MDGA2: variants seen among roughly 807,000 people sequenced by gnomAD.
MDGA2 encodes MAM domain containing glycosylphosphatidylinositol anchor 2.
MDGA2 carries 40 observed loss-of-function variants against 117.8 expected under a neutral mutation model. The observed-to-expected ratio is 0.34, with a 90% CI of 0.26 to 0.44. MDGA2 has a LOEUF of 0.44. Among genes scored for constraint, MDGA2 ranks in the 20% least tolerant of loss-of-function variants. The pLI is 1.00. For missense variants in MDGA2, 1,123 were observed against 1,250.6 expected, an observed-to-expected ratio of 0.90 and a Z score of 1.54; for synonymous variants, 452 against 439.0, an observed-to-expected ratio of 1.03 and a Z score of -0.37.
chr14:47,225,303 A>T (rs947692796), intron 2 of MDGA2, among the ~76,000 whole-genome samples: 1 of 151,994 alleles, frequency 6.6e-6, no homozygotes, highest in Admixed American at 6.6e-5. Flanking sequence ...CAGCCATCCC[A>T]CTACTGGGTA....
intron 1 of MDGA2, among the ~76,000 whole-genome samples, chr14:47,306,796 T>G (rs1889459893): frequency 6.6e-6 from 1 of 151,352 alleles, no homozygotes; most frequent in Non-Finnish European, 1.5e-5. Context: ...ACTATTGATA[T>G]TTTGAAGACA....
At chr14:47,147,055 ATTTG>A (rs1380688262) in intron 3 of MDGA2, among the ~76,000 whole-genome samples, 17 of 152,118 alleles carry the variant, frequency 1.1e-4, no homozygotes, top group Admixed American at 1.1e-3. Context: ...CCAAAACAAG[ATTTG>A]TTTAAGACAA....
intron 3 of MDGA2, among the ~76,000 whole-genome samples, chr14:47,155,888 CTTTTTTTTTTTTTTTTTTTTTTTTTTTT>C (rs55827732): frequency 3.0e-4 from 12 of 40,194 alleles, no homozygotes; most frequent in South Asian, 2.0e-3. Flanking sequence ...TCTTCTTCTT[CTTTTTTTTTTTTTTTTTTTTTTTTTTTT>C]TTTTTTTTTT....
intron 2 of MDGA2, among the ~76,000 whole-genome samples, chr14:47,226,216 C>CATAAATAA (rs201861877): frequency 0.026 from 3,783 of 142,878 alleles, 87 homozygotes; most frequent in African/African-American, 0.058. Context: ...ACTGTCTCAC[C>CATAAATAA]ATAAATAAAT....
Position 47,675,310 on chromosome 14 carries a change from AG to A in MDGA2, c.-515del, listed in dbSNP as rs1898163016. Among the ~76,000 whole-genome samples, 1 of 131,252 alleles carries A rather than the reference AG, an allele frequency of 7.6e-6. No individual in the cohort carries two copies. The highest frequency in any genetic ancestry group is 1.6e-5 in the Non-Finnish European group (1 of 62,244). The allele number at this position is 131,252 out of a possible 152,430, so 86.1% of individuals were successfully genotyped here. The stretch of plus-strand genomic sequence containing the variant: ...TACAGACTCGCATCGCCGAACGGGG[AG>A]AGGAGGAAGAGGAGGAGGAGGAAGA... On this transcript the variant is annotated 5_prime_UTR_variant, in exon 1 of 17. Coordinates refer to ENST00000399232, the MANE Select transcript of MDGA2 (RefSeq NM_001113498.3).
At chr14:47,654,692 T>C (rs1897710227) in intron 1 of MDGA2, among the ~76,000 whole-genome samples, 1 of 151,962 alleles carries the variant, frequency 6.6e-6, no homozygotes, top group Admixed American at 6.6e-5. Flanking sequence ...TTAGAATATA[T>C]CCCCAACTCT....
At chr14:47,524,423 G>T (rs1894930086) in intron 1 of MDGA2, among the ~76,000 whole-genome samples, 1 of 152,164 alleles carries the variant, frequency 6.6e-6, no homozygotes, top group African/African-American at 2.4e-5. Flanking sequence ...GATCATTGAA[G>T]AAATGAAAGA....
intron 7 of MDGA2, among the ~76,000 whole-genome samples, chr14:47,060,102 G>C (rs1022460723): frequency 1.3e-5 from 2 of 152,006 alleles, no homozygotes; most frequent in African/African-American, 4.8e-5. Flanking sequence ...TTTTAAAAAT[G>C]TTTTTATTGT....
intron 1 of MDGA2, among the ~76,000 whole-genome samples, chr14:47,580,416 T>C (rs1347161854): frequency 6.6e-6 from 1 of 152,060 alleles, no homozygotes; most frequent in Non-Finnish European, 1.5e-5. Flanking sequence ...GCTCCATCTC[T>C]TAATCATTTT....
At chr14:47,262,740 A>G (rs1887838608) in intron 2 of MDGA2, among the ~76,000 whole-genome samples, 1 of 152,200 alleles carries the variant, frequency 6.6e-6, no homozygotes, top group Non-Finnish European at 1.5e-5. Flanking sequence ...TTGGCCTGAC[A>G]GGCCCTGGTA....
intron 1 of MDGA2, among the ~76,000 whole-genome samples, chr14:47,448,495 C>T (rs529909247): frequency 6.6e-6 from 1 of 152,130 alleles, no homozygotes; most frequent in Non-Finnish European, 1.5e-5. Flanking sequence ...TACCACTCCC[C>T]ACAACTTCTT....
At chr14:47,292,848 T>A (rs1011755698) in intron 2 of MDGA2, among the ~76,000 whole-genome samples, 9 of 152,230 alleles carry the variant, frequency 5.9e-5, no homozygotes, top group African/African-American at 2.2e-4. Flanking sequence ...GCTACCCTTG[T>A]ATTTCATCCC....
chr14:47,054,390 T>A (rs1889589015), intron 7 of MDGA2, among the ~76,000 whole-genome samples: 1 of 151,792 alleles, frequency 6.6e-6, no homozygotes. Flanking sequence ...TTGTTACATA[T>A]GTACATGTGC....
At chr14:47,424,413 C>CAAA (rs34875957) in intron 1 of MDGA2, among the ~76,000 whole-genome samples, 1 of 139,614 alleles carries the variant, frequency 7.2e-6, no homozygotes, top group Non-Finnish European at 1.6e-5. Context: ...GATTCTGTCT[C>CAAA]AAAAAAAAAA....
chr14:47,619,587 G>A (rs1897013228), intron 1 of MDGA2, among the ~76,000 whole-genome samples: 3 of 152,126 alleles, frequency 2.0e-5, no homozygotes, highest in Admixed American at 2.0e-4. Flanking sequence ...TGGCAAACAT[G>A]GAATCTCAGA....
At chr14:47,415,039 C>A (rs1892446729) in intron 1 of MDGA2, among the ~76,000 whole-genome samples, 1 of 151,996 alleles carries the variant, frequency 6.6e-6, no homozygotes, top group Non-Finnish European at 1.5e-5. Context: ...GTTTAGTTCA[C>A]CCATTTCCTT....
chr14:47,568,605 A>AGCTTATATTT (rs1330730476), intron 1 of MDGA2, among the ~76,000 whole-genome samples: 2 of 152,194 alleles, frequency 1.3e-5, no homozygotes, highest in East Asian at 3.9e-4. Context: ...AACACTATTA[A>AGCTTATATTT]GCTTATATTT....
At chr14:47,456,991 C>G (rs994275419) in intron 1 of MDGA2, among the ~76,000 whole-genome samples, 4 of 151,832 alleles carry the variant, frequency 2.6e-5, no homozygotes, top group African/African-American at 7.3e-5. Flanking sequence ...ATCTTTAGAA[C>G]CAAAGCTGAC....
At chr14:47,284,772 G>T (rs1048054541) in intron 2 of MDGA2, among the ~76,000 whole-genome samples, 2 of 150,080 alleles carry the variant, frequency 1.3e-5, no homozygotes, top group African/African-American at 4.9e-5. Context: ...CAAGGTTAAT[G>T]CTCTCCTGTG....
Sources: allele counts gnomAD v4.1 joint callset (sites outside exome capture counted in the v4.1 genomes callset), GRCh38; gene constraint gnomAD v4.1.1; transcripts MANE v1.5; gene names NCBI Gene and HGNC (gene_info 2026-07-23, HGNC 2026-07-21).